TBC1D1: variants seen among roughly 807,000 people sequenced by gnomAD.
TBC1D1 encodes the protein TBC1 domain family member 1.
Under a neutral mutation model 125.6 loss-of-function variants are expected in TBC1D1, and 89 were observed. The observed-to-expected ratio is 0.71, with a 90% CI of 0.60 to 0.85. The LOEUF (loss-of-function observed/expected upper bound fraction) is 0.85. TBC1D1 is among the 40% of genes least tolerant of loss of function. The probability of loss-of-function intolerance (pLI) is 0.00; values close to 1 mark genes in which losing one functional copy is unlikely to be tolerated. For synonymous variants in TBC1D1, 565 were observed against 564.1 expected, an observed-to-expected ratio of 1.00 and a Z score of -0.02; for missense variants, 1,377 against 1,469.2, an observed-to-expected ratio of 0.94 and a Z score of 1.03.
intron 6 of TBC1D1, among the ~76,000 whole-genome samples, chr4:38,026,538 C>T (rs1745122501): frequency 6.6e-6 from 1 of 152,242 alleles, no homozygotes. Context: ...CAGCCCAGAG[C>T]CTTGGCCAAG....
rs1482168185 is a variant in TBC1D1, at chr4:38,014,595, G to A, written c.504G>A (p.Thr168=). 3 of 1,613,410 alleles carry A rather than the reference G, an allele frequency of 1.9e-6. No homozygotes were observed. The highest frequency in any genetic ancestry group is 1.7e-6 in the Non-Finnish European group (2 of 1,180,036). Residue 168 remains threonine, a synonymous_variant, in exon 3 of 20, where the codon ACG becomes ACA. Coordinates refer to ENST00000261439, the MANE Select transcript of TBC1D1 (RefSeq NM_015173.4). The surrounding 1 kb of genome is among the most constrained non-coding windows in gnomAD (Gnocchi z 5.1). ...ACTGCCCGTCCGAGTTCGACGACAC[G>A]TTTTCCAAGAAGTTCGAGGTGCTCT...
chr4:38,131,181 C>CT (rs1450833493), intron 18 of TBC1D1, among the ~76,000 whole-genome samples: 2 of 152,122 alleles, frequency 1.3e-5, no homozygotes, highest in Non-Finnish European at 2.9e-5. Flanking sequence ...GAGTTTATGG[C>CT]TTTGGGTACT....
intron 2 of TBC1D1, among the ~76,000 whole-genome samples, chr4:37,919,074 C>T (rs538631613): frequency 3.2e-4 from 37 of 114,972 alleles, no homozygotes; most frequent in African/African-American, 1.2e-3. Context: ...TGAAGACTTA[C>T]GCCCCCATCT....
chr4:38,110,111 TG>T, intron 15 of TBC1D1: 1 of 697,530 alleles, frequency 1.4e-6, no homozygotes, highest in Non-Finnish European at 1.8e-6. Flanking sequence ...AAGAGACCTC[TG>T]GCCTCTTGTA....
In TBC1D1 at chr4:38,054,334, T is replaced by A; in HGVS notation, c.2046T>A (p.Tyr682Ter). 6.2e-7 allele frequency: 1 copy of A among 1,613,994 alleles called. No individual in the cohort carries two copies. The change falls in exon 12 of 20, where the codon TAT (tyrosine) becomes TAA (stop). Residue 682 changes from tyrosine to a stop codon, truncating the protein, a stop_gained. Coordinates refer to ENST00000261439, the MANE Select transcript of TBC1D1 (RefSeq NM_015173.4). LOFTEE classifies it high-confidence loss of function. Reference sequence around the variant, plus strand: ...AGGCGTGCGATTCTTCCAGCAGATATGAAGGTAAGGCCGGTACCTGAAATG... The same window carrying A: ...AGGCGTGCGATTCTTCCAGCAGATAAGAAGGTAAGGCCGGTACCTGAAATG...
At chr4:37,924,293 G>C (rs1388798880) in intron 2 of TBC1D1, among the ~76,000 whole-genome samples, 1 of 152,044 alleles carries the variant, frequency 6.6e-6, no homozygotes, top group Non-Finnish European at 1.5e-5. Flanking sequence ...CCTATACTTT[G>C]TTTGTATGAA....
chr4:38,132,885 C>A, intron 18 of TBC1D1, 199 bp from the exon 21 acceptor site: 3 of 260,314 alleles, frequency 1.2e-5, no homozygotes, highest in Middle Eastern at 1.2e-3. Context: ...CTAGATGTTT[C>A]TTATATCCTT....
chr4:38,121,824 ATTGTT>A (rs758535971), intron 17 of TBC1D1, among the ~76,000 whole-genome samples: 1 of 152,186 alleles, frequency 6.6e-6, no homozygotes, highest in Non-Finnish European at 1.5e-5. Flanking sequence ...TTTCTTTACT[ATTGTT>A]TTAAAATTAG....
intron 2 of TBC1D1, among the ~76,000 whole-genome samples, chr4:37,938,596 T>C (rs962739939): frequency 2.0e-5 from 3 of 152,174 alleles, no homozygotes; most frequent in Admixed American, 1.3e-4. Flanking sequence ...GTTTGTTACA[T>C]ATGTATACAT....
At chr4:37,918,073 G>A (rs989901819) in intron 2 of TBC1D1, among the ~76,000 whole-genome samples, 2 of 152,120 alleles carry the variant, frequency 1.3e-5, no homozygotes, top group African/African-American at 4.8e-5. Flanking sequence ...GCTTTAGAGG[G>A]ATTCACAGCT....
intron 12 of TBC1D1, among the ~76,000 whole-genome samples, chr4:38,084,964 A>G (rs1332978487): frequency 1.3e-5 from 2 of 152,214 alleles, no homozygotes; most frequent in African/African-American, 4.8e-5. Context: ...TGAAAGTGCA[A>G]GAAAGAAGCC....
At chr4:37,894,012 G>A (rs1223467151) in intron 1 of TBC1D1, among the ~76,000 whole-genome samples, 6 of 147,978 alleles carry the variant, frequency 4.1e-5, no homozygotes, top group Admixed American at 1.4e-4. Context: ...TTTTTTGAAA[G>A]GAGTCTTGCT....
chr4:37,985,110 G>T (rs1259203905), intron 2 of TBC1D1, among the ~76,000 whole-genome samples: 1 of 151,834 alleles, frequency 6.6e-6, no homozygotes. Flanking sequence ...GCGCCACCAT[G>T]CCTGGCTAAT....
In TBC1D1 at chr4:38,133,181, A is replaced by G; in HGVS notation, c.3230A>G (p.Asn1077Ser). Residue 1077 changes from asparagine (N) to serine (S), a missense_variant, in exon 19 of 20, where the codon AAC (asparagine) becomes AGC (serine). Physicochemically the swap from Asn to Ser is conservative, Grantham distance 46 (BLOSUM62 1). Transcript: ENST00000261439. ...ATCGATTCCTCTCCTCTCAGTGACA[A>G]CCAAAGAATGGATAAATTAGAGAAA... is the stretch of plus-strand genomic sequence containing the variant. The G allele has an allele frequency of 6.2e-7, 1 of 1,614,246 alleles. No individual in the cohort carries two copies. Among genetic ancestry groups the G allele is most frequent in the African/African-American group, 1.3e-5 (1 of 75,066 alleles).
chr4:38,115,596 A>C (rs773102327), intron 15 of TBC1D1, 114 bp from the exon 18 acceptor site: 1 of 1,110,638 alleles, frequency 9.0e-7, no homozygotes, highest in Admixed American at 2.6e-5. Context: ...GATTGATATT[A>C]TGATCCAGCT....
At chr4:37,930,567 TCCTC>T (rs146335338) in intron 2 of TBC1D1, among the ~76,000 whole-genome samples, 2,821 of 152,220 alleles carry the variant, frequency 0.019, 88 homozygotes, top group African/African-American at 0.065. Flanking sequence ...GCTCAAGTGA[TCCTC>T]CTGCCTCAGC....
In TBC1D1 at chr4:38,115,937, G is replaced by T. The variant is rs1452344690; in HGVS notation, c.2785G>T (p.Asp929Tyr). 6.2e-7 allele frequency: 1 copy of T among 1,614,136 alleles called. No individual in the cohort carries two copies. The highest frequency in any genetic ancestry group is 1.7e-5 in the Admixed American group (1 of 60,012). The stretch of plus-strand genomic sequence containing the variant: ...GGGGCTGCGGAAACAGTATCGGCCA[G>T]ACATGATTATTTTACAGGTATAGAG... The change falls in exon 16 of 20, where the codon GAC becomes TAC. Residue 929 changes from aspartate to tyrosine, a missense_variant. Physicochemically the swap from Asp to Tyr is radical, Grantham distance 160. Transcript: ENST00000261439.
At chr4:38,115,302 A>G (rs1281427172) in intron 15 of TBC1D1, among the ~76,000 whole-genome samples, 3 of 152,022 alleles carry the variant, frequency 2.0e-5, no homozygotes, top group Non-Finnish European at 4.4e-5. Context: ...GGGTTTCGCC[A>G]TGTTGGGCAG....
intron 12 of TBC1D1, among the ~76,000 whole-genome samples, chr4:38,082,046 A>AC (rs1366807190): frequency 1.3e-5 from 2 of 152,202 alleles, no homozygotes; most frequent in Non-Finnish European, 2.9e-5. Flanking sequence ...ACTGCCCAGC[A>AC]CATAGTAAGT....
Sources: allele counts gnomAD v4.1 joint callset (sites outside exome capture counted in the v4.1 genomes callset), GRCh38; gene constraint gnomAD v4.1.1; non-coding constraint Gnocchi (gnomAD v3.1); transcripts MANE v1.5; gene names NCBI Gene and HGNC (gene_info 2026-07-23, HGNC 2026-07-21).